Variants in CCDC178 observed in about 807,000 individuals in gnomAD.
The protein encoded by CCDC178 is coiled-coil domain containing 178, also known as coiled-coil domain-containing protein 178.
A neutral mutation model predicts 117.4 loss-of-function variants in CCDC178; 126 were observed. That is an observed-to-expected ratio of 1.07 (90% confidence interval 0.93 to 1.24). The LOEUF (loss-of-function observed/expected upper bound fraction) is 1.24. Ranked by LOEUF, CCDC178 falls within the 50% of genes most tolerant of loss-of-function variation. CCDC178 has a pLI of 0.00. For synonymous variants in CCDC178, 283 were observed against 313.4 expected (o/e 0.90, Z 1.02); for missense variants, 1,030 against 986.9 (o/e 1.04, Z -0.59).
chr18:33,105,080 C>T (rs1393885622), intron 20 of CCDC178, among the ~76,000 whole-genome samples: 5 of 151,642 alleles, frequency 3.3e-5, no homozygotes, highest in East Asian at 3.9e-4. Flanking sequence ...AGGAGGAATG[C>T]AGGACTCAAA....
chr18:33,187,027 G>A (rs916968950), intron 20 of CCDC178, among the ~76,000 whole-genome samples: 1 of 151,454 alleles, frequency 6.6e-6, no homozygotes, highest in Non-Finnish European at 1.5e-5. Flanking sequence ...CATGGCTGGG[G>A]AAACTTACAA....
chr18:33,307,626 C>T (rs560122115), intron 11 of CCDC178, among the ~76,000 whole-genome samples: 12 of 152,312 alleles, frequency 7.9e-5, no homozygotes, highest in African/African-American at 2.6e-4. Context: ...GTCTCCAGGG[C>T]ATGTCAGAGA....
intron 22 of CCDC178, 151 bp from the exon 23 acceptor site, chr18:32,938,242 A>G (rs1181225648): frequency 1.7e-6 from 1 of 605,512 alleles, no homozygotes; most frequent in South Asian, 2.1e-5. Flanking sequence ...GACAAACAGT[A>G]TAAACCCCAA....
At chr18:33,210,604 T>G (rs761547316) in intron 20 of CCDC178, among the ~76,000 whole-genome samples, 2 of 152,078 alleles carry the variant, frequency 1.3e-5, no homozygotes, top group Non-Finnish European at 2.9e-5. Context: ...CTAATTCTAC[T>G]GCTCTAATAA....
chr18:33,329,536 T>A (rs2062634741), intron 10 of CCDC178, among the ~76,000 whole-genome samples: 1 of 152,226 alleles, frequency 6.6e-6, no homozygotes, highest in Admixed American at 6.5e-5. Flanking sequence ...GTTCTTCAAC[T>A]GAGACAATCG....
At chr18:33,133,931 A>T (rs2058095673) in intron 20 of CCDC178, among the ~76,000 whole-genome samples, 1 of 152,024 alleles carries the variant, frequency 6.6e-6, no homozygotes, top group Non-Finnish European at 1.5e-5. Context: ...ACTTCTGGAA[A>T]AGAGTAGTTC....
At chr18:33,251,487 T>A (rs2059618057) in intron 14 of CCDC178, among the ~76,000 whole-genome samples, 1 of 151,716 alleles carries the variant, frequency 6.6e-6, no homozygotes, top group Non-Finnish European at 1.5e-5. Context: ...AGAATTTAAG[T>A]TCTACTCAGA....
chr18:33,340,103 T>C (rs933701061), intron 9 of CCDC178, among the ~76,000 whole-genome samples: 3 of 152,072 alleles, frequency 2.0e-5, no homozygotes, highest in Admixed American at 2.0e-4. Flanking sequence ...AAAATGCTGA[T>C]AGTGATATTA....
intron 20 of CCDC178, among the ~76,000 whole-genome samples, chr18:33,180,987 C>T (rs1338061990): frequency 2.6e-5 from 4 of 151,942 alleles, no homozygotes; most frequent in Non-Finnish European, 5.9e-5. Flanking sequence ...GGTGCATCCT[C>T]TAATGACTTT....
intron 15 of CCDC178, among the ~76,000 whole-genome samples, chr18:33,239,836 A>G (rs1177959434): frequency 6.6e-6 from 1 of 151,846 alleles, no homozygotes; most frequent in African/African-American, 2.4e-5. Context: ...ATGGGATCTA[A>G]ATAGCACCAT....
At chr18:33,245,059 C>T (rs2059532162) in intron 15 of CCDC178, among the ~76,000 whole-genome samples, 186 bp downstream of exon 15, 1 of 151,900 alleles carries the variant, frequency 6.6e-6, no homozygotes, top group South Asian at 2.1e-4. Flanking sequence ...ACATTGAGCC[C>T]TCATCCTCTT....
chr18:33,348,973 C>T lies in CCDC178; in HGVS notation c.374G>A (p.Ser125Asn), dbSNP rs1423574283. ...KRFETSFEEW[S>N]RTSSTKDLKE... ...CAGGTCTTTTGTGGAAGAAGTTCTG[C>T]TCCTATATAATGGGAAAGAAGCAAG... Residue 125 changes from serine to asparagine, a missense_variant and splice_region_variant, in exon 8 of 23, where the codon AGC becomes AAC. Ser to Asn is a conservative substitution (Grantham distance 46, BLOSUM62 1). Transcript: ENST00000383096. 6.2e-7 allele frequency: 1 copy of T among 1,601,494 alleles called. No homozygotes were observed. Among genetic ancestry groups the T allele is most frequent in the East Asian group, 2.2e-5 (1 of 44,492 alleles).
chr18:33,035,163 T>C (rs1199557051), intron 21 of CCDC178, among the ~76,000 whole-genome samples: 2 of 151,870 alleles, frequency 1.3e-5, no homozygotes, highest in African/African-American at 4.8e-5. Flanking sequence ...GTTAGGATGT[T>C]TATAAAGGCA....
chr18:33,419,546 C>T lies in CCDC178; in HGVS notation c.-22-7436G>A, dbSNP rs1483458702. 7.9e-5 allele frequency among the ~76,000 whole-genome samples: 12 copies of T among 152,248 alleles called. No homozygotes were observed. In the East Asian group the frequency reaches 2.3e-3, roughly 29 times the overall value. ...TTCTAACTGTGCATCTGACAAAGGTCTAATTTCCAGAATCTATAAGGAACT... is the reference window on the plus strand; with the variant it reads ...TTCTAACTGTGCATCTGACAAAGGTTTAATTTCCAGAATCTATAAGGAACT... On this transcript the variant is annotated intron_variant, in intron 2 of 22. Coordinates refer to ENST00000383096, the MANE Select transcript of CCDC178 (RefSeq NM_001105528.4).
intron 20 of CCDC178, among the ~76,000 whole-genome samples, chr18:33,151,491 G>A (rs1237538964): frequency 6.6e-6 from 1 of 151,880 alleles, no homozygotes; most frequent in East Asian, 1.9e-4. Flanking sequence ...AGCAAACGAA[G>A]TTATAGTTAA....
chr18:33,306,438 G>T (rs2062250760), intron 11 of CCDC178, among the ~76,000 whole-genome samples: 1 of 144,622 alleles, frequency 6.9e-6, no homozygotes, highest in Non-Finnish European at 1.5e-5. Flanking sequence ...GTGTGTGTGT[G>T]TGTGTGTGTG....
chr18:33,323,222 A>G, intron 11 of CCDC178: 1 of 202,050 alleles, frequency 4.9e-6, no homozygotes, highest in South Asian at 1.9e-4. Flanking sequence ...TATTGTTATA[A>G]CATGTCCTCA....
intron 10 of CCDC178, among the ~76,000 whole-genome samples, chr18:33,332,104 A>G (rs1468750572): frequency 6.6e-6 from 1 of 152,210 alleles, no homozygotes; most frequent in Non-Finnish European, 1.5e-5. Flanking sequence ...AAACTAAAAA[A>G]TTGTCAGATT....
At chr18:33,044,030 C>T (rs907295018) in intron 21 of CCDC178, among the ~76,000 whole-genome samples, 9 of 150,352 alleles carry the variant, frequency 6.0e-5, no homozygotes, top group East Asian at 1.9e-4. Flanking sequence ...AATATATATA[C>T]ACACACACAC....
Sources: gnomAD v4.1 joint callset for allele counts (sites outside exome capture counted in the v4.1 genomes callset) on GRCh38, gnomAD v4.1.1 for gene constraint, MANE v1.5 for transcripts, NCBI Gene and HGNC (gene_info 2026-07-23, HGNC 2026-07-21) for gene names.